CTNND2: variants seen among roughly 807,000 people sequenced by gnomAD.
CTNND2 encodes catenin delta-2.
In CTNND2, 22 loss-of-function variants were observed where a neutral mutation model predicts 144.4. That is an observed-to-expected ratio of 0.15 (90% CI 0.11 to 0.22). The LOEUF (loss-of-function observed/expected upper bound fraction) is 0.22, where lower values mean the gene tolerates loss of function less well. Among genes scored for constraint, CTNND2 ranks in the 10% least tolerant of loss-of-function variants. CTNND2 has a pLI of 1.00. For missense variants in CTNND2, 1,353 were observed against 1,618.8 expected, an observed-to-expected ratio of 0.84 and a Z score of 2.82; for synonymous variants, 751 against 695.6, an observed-to-expected ratio of 1.08 and a Z score of -1.25.
At chr5:11,676,925 C>T (rs1396515132) in intron 2 of CTNND2, among the ~76,000 whole-genome samples, 2 of 152,172 alleles carry the variant, frequency 1.3e-5, no homozygotes, top group Non-Finnish European at 2.9e-5. Flanking sequence ...GTTTACCAAA[C>T]ATTTCTCAAA....
chr5:11,445,377 G>A (rs997887201), intron 3 of CTNND2, among the ~76,000 whole-genome samples: 1 of 152,136 alleles, frequency 6.6e-6, no homozygotes, highest in Non-Finnish European at 1.5e-5. Flanking sequence ...TTAAGGTCAC[G>A]CACGGTTTCC....
chr5:11,710,514 C>T (rs1785962793), intron 2 of CTNND2, among the ~76,000 whole-genome samples: 1 of 147,468 alleles, frequency 6.8e-6, no homozygotes, highest in Admixed American at 6.8e-5. Context: ...GCACTCCAGC[C>T]TGGGCCAAAG....
chr5:11,681,236 A>T (rs988424105), intron 2 of CTNND2, among the ~76,000 whole-genome samples: 3 of 152,228 alleles, frequency 2.0e-5, no homozygotes, highest in Non-Finnish European at 4.4e-5. Flanking sequence ...AATGTATTTC[A>T]AGAAGGATGG....
At chr5:11,407,482 G>A (rs1191970152) in intron 5 of CTNND2, among the ~76,000 whole-genome samples, 4 of 152,164 alleles carry the variant, frequency 2.6e-5, no homozygotes, top group African/African-American at 9.7e-5. Flanking sequence ...TGCTTGTCTT[G>A]AGGTCAAAAA....
chr5:11,181,840 ATGTGTGTGTGGATGTG>A (rs954230950), intron 11 of CTNND2, among the ~76,000 whole-genome samples: 3 of 65,170 alleles, frequency 4.6e-5, no homozygotes, highest in African/African-American at 8.0e-5. Flanking sequence ...TATGTGTGGC[ATGTGTGTGTGGATGTG>A]TGTGTGTGTT....
At chr5:11,376,322 G>GTGTGTGTGTTCATGTATC (rs1757937280) in intron 7 of CTNND2, among the ~76,000 whole-genome samples, 2 of 146,176 alleles carry the variant, frequency 1.4e-5, no homozygotes, top group South Asian at 2.1e-4. Flanking sequence ...TTGTGTGTGT[G>GTGTGTGTGTTCATGTATC]TGTGTGTGTG....
At chr5:11,679,117 A>AT (rs1784313922) in intron 2 of CTNND2, among the ~76,000 whole-genome samples, 1 of 151,988 alleles carries the variant, frequency 6.6e-6, no homozygotes, top group Admixed American at 6.6e-5. Flanking sequence ...CCTATCCAGG[A>AT]ACCAATCAGT....
intron 2 of CTNND2, among the ~76,000 whole-genome samples, chr5:11,690,807 C>T (rs1258098443): frequency 1.1e-5 from 1 of 89,818 alleles, no homozygotes; most frequent in Non-Finnish European, 2.6e-5. Context: ...TACTCTTTTA[C>T]AAAACAAAAA....
chr5:11,343,319 T>C (rs1294927053), intron 9 of CTNND2, among the ~76,000 whole-genome samples: 4 of 152,184 alleles, frequency 2.6e-5, no homozygotes, highest in Non-Finnish European at 4.4e-5. Context: ...TAAACACTTC[T>C]CACTGAATAA....
chr5:11,638,499 G>T (rs917286364), intron 2 of CTNND2, among the ~76,000 whole-genome samples: 5 of 152,118 alleles, frequency 3.3e-5, no homozygotes, highest in Admixed American at 2.6e-4. Flanking sequence ...TCTGGTTCTA[G>T]AAATTCCCCT....
intron 2 of CTNND2, among the ~76,000 whole-genome samples, chr5:11,627,041 A>G (rs73742888): frequency 0.026 from 3,978 of 152,264 alleles, 161 homozygotes; most frequent in African/African-American, 0.092. Flanking sequence ...CAGAGGTGTT[A>G]GGAAAGTGTT....
chr5:11,130,622 T>A (rs1425480824), intron 12 of CTNND2, among the ~76,000 whole-genome samples: 1 of 152,202 alleles, frequency 6.6e-6, no homozygotes, highest in East Asian at 1.9e-4. Context: ...AACCATTAAC[T>A]GTGAGCCTAA....
At chr5:11,077,718 G>C (rs2149625139) in intron 16 of CTNND2, among the ~76,000 whole-genome samples, 1 of 152,284 alleles carries the variant, frequency 6.6e-6, no homozygotes, top group East Asian at 1.9e-4. Flanking sequence ...GAAGCACAGG[G>C]AGACTAGGTA....
chr5:11,583,184 T>TAAC lies in CTNND2; in HGVS notation c.175-18131_175-18129dup, dbSNP rs1388136687. ...CAACTGAGTCAGGAAGCTGCATTTA[T>TAAC]AACAGTTGCCCTGGGAATTCTGACA... On this transcript the variant is annotated intron_variant, in intron 2 of 21. Transcript: ENST00000304623. 2.0e-5 allele frequency among the ~76,000 whole-genome samples: 3 copies of TAAC among 152,334 alleles called. No individual in the cohort carries two copies. The East Asian group carries it at 5.8e-4, about 29-fold the overall frequency.
chr5:11,712,287 C>T (rs1786078707), intron 2 of CTNND2, among the ~76,000 whole-genome samples: 1 of 148,514 alleles, frequency 6.7e-6, no homozygotes, highest in African/African-American at 2.5e-5. Flanking sequence ...CAGATAAATG[C>T]TTTCATTGCA....
chr5:11,698,846 G>A (rs995600397), intron 2 of CTNND2, among the ~76,000 whole-genome samples: 7 of 151,632 alleles, frequency 4.6e-5, no homozygotes, highest in Non-Finnish European at 8.8e-5. Flanking sequence ...GAAAAATAAA[G>A]CTTTAAATAA....
chr5:11,461,884 C>T (rs781309537), intron 3 of CTNND2, among the ~76,000 whole-genome samples: 2 of 152,116 alleles, frequency 1.3e-5, no homozygotes, highest in Non-Finnish European at 2.9e-5. Context: ...GCTTAAAAAT[C>T]TACACAAGAA....
At chr5:11,463,146 T>C (rs941046829) in intron 3 of CTNND2, among the ~76,000 whole-genome samples, 2 of 152,238 alleles carry the variant, frequency 1.3e-5, no homozygotes, top group Admixed American at 1.3e-4. Flanking sequence ...ACTTAGAAAA[T>C]ATATTCAAAT....
intron 1 of CTNND2, among the ~76,000 whole-genome samples, chr5:11,813,681 T>C (rs1792470451): frequency 6.6e-6 from 1 of 152,224 alleles, no homozygotes; most frequent in East Asian, 1.9e-4. Context: ...TATGTATTTA[T>C]TTAGAAATTT....
Sources: allele counts gnomAD v4.1 joint callset (sites outside exome capture counted in the v4.1 genomes callset), GRCh38; gene constraint gnomAD v4.1.1; transcripts MANE v1.5; gene names NCBI Gene and HGNC (gene_info 2026-07-23, HGNC 2026-07-21).